The following AACS variants were observed in gnomAD, a reference collection of about 807,000 sequenced individuals.
AACS encodes acetoacetate-CoA ligase.
A neutral mutation model predicts 83.1 loss-of-function variants in AACS; 69 were observed. That is an observed-to-expected ratio of 0.83 (90% CI 0.68 to 1.01). AACS has a LOEUF of 1.01. AACS is among the 50% of genes least tolerant of loss of function. AACS has a pLI of 0.00. For synonymous variants in AACS, 333 were observed against 343.4 expected (o/e 0.97, Z 0.33); for missense variants, 866 against 882.2 (o/e 0.98, Z 0.23).
intron 15 of AACS, among the ~76,000 whole-genome samples, 177 bp downstream of exon 15, chr12:125,134,249 C>T (rs1211251231): frequency 1.3e-5 from 2 of 152,202 alleles, no homozygotes; most frequent in East Asian, 3.9e-4. Flanking sequence ...GACCCCCCAG[C>T]CCCCACCGGC....
rs1955687180 is a variant in AACS, at chr12:125,066,198, G to A, written c.133+481G>A. ...CTCCAGCTGCCCCTGCTGGAGGCCA[G>A]CACCTAGCAGGATGGTCAGGCAGGA... On this transcript the variant is annotated intron_variant, in intron 1 of 17. Coordinates refer to ENST00000316519, the MANE Select transcript of AACS (RefSeq NM_023928.5). 3.3e-5 allele frequency among the ~76,000 whole-genome samples: 5 copies of A among 152,092 alleles called. No homozygotes were observed. The South Asian group carries it at 1.0e-3, about 32-fold the overall frequency.
chr12:125,133,496 A>G (rs1289287296), intron 14 of AACS, among the ~76,000 whole-genome samples: 2 of 152,106 alleles, frequency 1.3e-5, no homozygotes, highest in East Asian at 1.9e-4. Flanking sequence ...CTCTCTGTCC[A>G]TGTGGCTAAT....
At chr12:125,112,494 C>T (rs1054519642) in intron 8 of AACS, among the ~76,000 whole-genome samples, 3 of 151,994 alleles carry the variant, frequency 2.0e-5, no homozygotes, top group Non-Finnish European at 2.9e-5. Context: ...GCCTGGCCAA[C>T]ATGGTGAAAC....
rs748407852 is a variant in AACS, at chr12:125,118,672, C to A, written c.1028C>A (p.Ser343Tyr). Residue 343 changes from serine (S) to tyrosine (Y), a missense_variant, in exon 10 of 18, where the codon TCC becomes TAC. Physicochemically the swap from Ser to Tyr is moderately radical, Grantham distance 144 (BLOSUM62 -2). Transcript: ENST00000316519. ...TGGATGATGTGGAACTGGATGGTGT[C>A]CCTTCTGGCCACAGGAGCGGCCATG... ...VGWMMWNWMV[S>Y]LLATGAAMVL... The A allele has an allele frequency of 3.3e-5, 54 of 1,614,024 alleles. No homozygotes were observed. In the Admixed American group the frequency reaches 3.8e-4, roughly 11 times the overall value.
chr12:125,142,060 A>T, intron 17 of AACS, 32 bp from the exon 18 acceptor site: 1 of 1,612,840 alleles, frequency 6.2e-7, no homozygotes, highest in Non-Finnish European at 8.5e-7. Context: ...TTCAGGTTTA[A>T]ATGTTCCTGT....
intron 5 of AACS, 133 bp downstream of exon 5, chr12:125,091,656 C>T: frequency 1.2e-6 from 1 of 854,728 alleles, no homozygotes; most frequent in South Asian, 1.4e-5. Context: ...GTTGCAGCTG[C>T]CTCTATGGGG....
chr12:125,071,261 C>T (rs1955854683), intron 1 of AACS, among the ~76,000 whole-genome samples: 1 of 152,186 alleles, frequency 6.6e-6, no homozygotes, highest in Non-Finnish European at 1.5e-5. Context: ...ACCGTTACAA[C>T]CTGGCCTTGG....
intron 2 of AACS, 142 bp downstream of exon 2, chr12:125,074,121 C>T (rs1594570963): frequency 2.9e-6 from 2 of 696,444 alleles, no homozygotes; most frequent in East Asian, 2.7e-5. Context: ...AGAGAACTGG[C>T]ATTAAATTAT....
Position 125,134,813 on chromosome 12 carries a change from A to G in AACS, c.1639A>G (p.Asn547Asp), listed in dbSNP as rs769940081. 1 of 1,614,070 alleles carries G rather than the reference A, an allele frequency of 6.2e-7. No homozygotes were observed. Among genetic ancestry groups the G allele is most frequent in the South Asian group, 1.1e-5 (1 of 91,062 alleles). ...TTCCAGTGACGGCACCCTCAACCCC[A>G]ACGGGGTGCGGTTCGGCAGCTCGGA... ...LGRSDGTLNPNGVRFGSSEIY... is the reference protein window; with the variant it reads ...LGRSDGTLNPDGVRFGSSEIY... Residue 547 changes from asparagine to aspartate, a missense_variant, in exon 16 of 18, where the codon AAC (asparagine) becomes GAC (aspartate). Coordinates refer to ENST00000316519, the MANE Select transcript of AACS (RefSeq NM_023928.5).
chr12:125,104,202 G>A (rs892732911), intron 7 of AACS, among the ~76,000 whole-genome samples: 1 of 152,074 alleles, frequency 6.6e-6, no homozygotes, highest in Non-Finnish European at 1.5e-5. Context: ...TGAGCCTTGG[G>A]TCGGGGCCAC....
At chr12:125,085,540 T>A (rs1270957523) in intron 3 of AACS, among the ~76,000 whole-genome samples, 3 of 152,258 alleles carry the variant, frequency 2.0e-5, no homozygotes, top group Non-Finnish European at 4.4e-5. Context: ...GCACGTTGCA[T>A]CCACATCTGT....
rs1169445869 is a variant in AACS at position 125,076,593 on chromosome 12, G to A, written c.340G>A (p.Val114Ile). The change falls in exon 3 of 18, where the codon GTT (valine) becomes ATT (isoleucine). Residue 114 changes from valine to isoleucine, a missense_variant. Physicochemically the swap from Val to Ile is conservative, Grantham distance 29. Transcript: ENST00000316519. ...NLLRHKENDR[V>I]ALYIAREGKE... ...CCTGCGGCACAAAGAGAATGACAGA[G>A]TTGCCCTTTACATTGCAAGTAAGTC... 6.2e-7 allele frequency: 1 copy of A among 1,614,186 alleles called. No individual in the cohort carries two copies. The highest frequency in any genetic ancestry group is 1.7e-5 in the Admixed American group (1 of 60,020).
At chr12:125,093,327 G>T (rs181785121) in intron 5 of AACS, among the ~76,000 whole-genome samples, 5 of 152,348 alleles carry the variant, frequency 3.3e-5, no homozygotes, top group African/African-American at 9.6e-5. Flanking sequence ...CTGAGGCCAG[G>T]GGGTGGAGAG....
In AACS at chr12:125,140,084, A is replaced by G. The variant is rs1957458555; in HGVS notation, c.1882-2008A>G. On this transcript the variant is annotated intron_variant, in intron 17 of 17. Coordinates refer to ENST00000316519, the MANE Select transcript of AACS (RefSeq NM_023928.5). This position sits in a 1 kb window ranked among gnomAD's most constrained non-coding sequence, Gnocchi z 5.1. The stretch of plus-strand genomic sequence containing the variant: ...AAGACCTGGGGACCCCGCGAGGGTC[A>G]TGGCCAAGTGGAATGGACTCCTGGC... 6.6e-6 allele frequency: 1 copy of G among 152,194 alleles called. No individual in the cohort carries two copies. Among genetic ancestry groups the G allele is most frequent in the African/African-American group, 2.4e-5 (1 of 41,442 alleles). 9.4% of individuals were successfully genotyped at this position (152,194 alleles called of 1,614,324 possible).
rs71092274 is a variant in AACS at position 125,103,987 on chromosome 12, CAAAAAAAAAAAAAAA to C, written c.767+924_767+938del. On this transcript the variant is annotated intron_variant, in intron 7 of 17. Coordinates refer to ENST00000316519, the MANE Select transcript of AACS (RefSeq NM_023928.5). ...TGGGCAAAAAAGCGAAACTCCGTCT[CAAAAAAAAAAAAAAA>C]AAAAAAAAAAAAAAAAAGAATCTTC... 1.0e-3 allele frequency among the ~76,000 whole-genome samples: 42 copies of C among 41,228 alleles called. 3 individuals are homozygous for C. Among genetic ancestry groups the C allele is most frequent in the South Asian group, 6.6e-3 (4 of 602 alleles). The allele number at this position is 41,228 out of a possible 152,430, so 27.0% of individuals were successfully genotyped here. A position where few individuals can be genotyped will look rare whatever the true frequency, so the allele number is the denominator to read the frequency against.
intron 16 of AACS, 35 bp from the exon 17 acceptor site, chr12:125,136,627 C>G (rs368909241): frequency 6.3e-7 from 1 of 1,599,606 alleles, no homozygotes; most frequent in Non-Finnish European, 8.5e-7. Context: ...TGAGGGGCCC[C>G]CTGCGTGAAT....
At chr12:125,072,109 G>A (rs985601945) in intron 1 of AACS, among the ~76,000 whole-genome samples, 3 of 151,066 alleles carry the variant, frequency 2.0e-5, no homozygotes, top group Non-Finnish European at 2.9e-5. Flanking sequence ...CACCCATCTC[G>A]GCCTCCCAAA....
In AACS at chr12:125,082,703, A is replaced by G. The variant is rs565321642; in HGVS notation, c.359-3627A>G. 4.6e-5 allele frequency among the ~76,000 whole-genome samples: 7 copies of G among 152,054 alleles called. No homozygotes were observed. The East Asian group carries it at 1.4e-3, about 30-fold the overall frequency. On this transcript the variant is annotated intron_variant, in intron 3 of 17. Transcript: ENST00000316519. Reference sequence around the variant, plus strand: ...TGGTGTGGTGGCGGGTGCCTGTAGTACCAGCTACTCGGGAGGCTGAGGCAG... The same window carrying G: ...TGGTGTGGTGGCGGGTGCCTGTAGTGCCAGCTACTCGGGAGGCTGAGGCAG...
Position 125,080,297 on chromosome 12 carries a change from A to G in AACS, c.358+3686A>G, listed in dbSNP as rs111782108. ...TTCATGAGCTCCTGGTTTCTCCTGT[A>G]AAGTGGGAACGGTCAAATGTGAATC... On this transcript the variant is annotated intron_variant, in intron 3 of 17. Transcript: ENST00000316519. Among the ~76,000 whole-genome samples, 679 of 152,314 alleles carry G rather than the reference A, an allele frequency of 4.5e-3. 9 individuals carry two copies. The highest frequency in any genetic ancestry group is 0.016 in the African/African-American group (657 of 41,532).
Sources: gnomAD v4.1 joint callset for allele counts (sites outside exome capture counted in the v4.1 genomes callset) on GRCh38, gnomAD v4.1.1 for gene constraint, Gnocchi (gnomAD v3.1) non-coding constraint, MANE v1.5 for transcripts, NCBI Gene and HGNC (gene_info 2026-07-23, HGNC 2026-07-21) for gene names.